Variants in OR4P4 observed in about 807,000 individuals in gnomAD.
OR4P4 encodes olfactory receptor 4P4.
A neutral mutation model predicts 2.1 loss-of-function variants in OR4P4; 1 was observed. The observed-to-expected ratio is 0.47, with a 90% confidence interval of 0.17 to 2.21. The LOEUF (loss-of-function observed/expected upper bound fraction) is 2.21, where lower values mean the gene tolerates loss of function less well. Ranked by LOEUF, OR4P4 falls within the 30% of genes most tolerant of loss-of-function variation. The probability of loss-of-function intolerance (pLI) is 0.27; values close to 1 mark genes in which losing one functional copy is unlikely to be tolerated. For missense variants in OR4P4, 375 were observed against 376.5 expected (o/e 1.00, Z 0.03); for synonymous variants, 129 against 133.2 (o/e 0.97, Z 0.22).
chr11:55,638,393 C>T (rs1484149277), exon 2 of OR4P4: 1 of 1,441,020 alleles, frequency 6.9e-7, no homozygotes, highest in Middle Eastern at 2.0e-4. Flanking sequence ...TGTTTATTCT[C>T]TTGGGGTTTT....
intron 1 of OR4P4, among the ~76,000 whole-genome samples, chr11:55,637,482 TA>T (rs1194335087): frequency 7.3e-6 from 1 of 137,924 alleles, no homozygotes; most frequent in Non-Finnish European, 1.6e-5. Context: ...GCCTTTAATC[TA>T]ATTCTAGTTC....
intron 1 of OR4P4, among the ~76,000 whole-genome samples, chr11:55,635,657 G>A (rs1477960498): frequency 1.5e-5 from 2 of 137,534 alleles, no homozygotes; most frequent in African/African-American, 2.5e-5. Context: ...GGACAGAATC[G>A]ACTATAAAGG....
Position 55,639,207 on chromosome 11 carries a change from A to G in OR4P4, c.850A>G (p.Ile284Val), listed in dbSNP as rs372495212. Residue 284 changes from isoleucine to valine, a missense_variant, in exon 2 of 2, where the codon ATA (isoleucine) becomes GTA (valine). Ile to Val is a conservative substitution (Grantham distance 29, BLOSUM62 3). Coordinates refer to ENST00000641760, the Ensembl canonical transcript of OR4P4. ...CATTGCTCCCATGTTCAACCCTCTCATATACACGCTGAGAAACACAGAGAT... is the reference window on the plus strand; with the variant it reads ...CATTGCTCCCATGTTCAACCCTCTCGTATACACGCTGAGAAACACAGAGAT... 5.4e-5 allele frequency: 80 copies of G among 1,488,974 alleles called. 19 individuals are homozygous for G. In the Middle Eastern group the frequency reaches 2.4e-3, roughly 45 times the overall value. The allele number at this position is 1,488,974 out of a possible 1,614,324, so 92.2% of individuals were successfully genotyped here.
chr11:55,636,923 G>GA (rs1454182808), intron 1 of OR4P4, among the ~76,000 whole-genome samples: 1 of 137,740 alleles, frequency 7.3e-6, no homozygotes, highest in Non-Finnish European at 1.6e-5. Flanking sequence ...GTTAGTGGCT[G>GA]AATTAAGACA....
At chr11:55,638,130 G>C (rs1858409710) in intron 1 of OR4P4, among the ~76,000 whole-genome samples, 198 bp from the exon 2 acceptor site, 1 of 136,998 alleles carries the variant, frequency 7.3e-6, no homozygotes, top group African/African-American at 2.5e-5. Context: ...ATCACAGTGT[G>C]CTAGAGAGCT....
intron 1 of OR4P4, among the ~76,000 whole-genome samples, chr11:55,636,787 T>A (rs1453078491): frequency 5.1e-5 from 7 of 138,028 alleles, no homozygotes; most frequent in African/African-American, 1.5e-4. Context: ...TCCTTTATCA[T>A]CTATTATTAA....
At chr11:55,635,770 ATTTTTTACTCCTG>A (rs1858379679) in intron 1 of OR4P4, among the ~76,000 whole-genome samples, 1 of 137,182 alleles carries the variant, frequency 7.3e-6, no homozygotes, top group Non-Finnish European at 1.6e-5. Flanking sequence ...TTGAAAATAT[ATTTTTTACTCCTG>A]TGTTAAGAAA....
At chr11:55,636,688 C>T (rs1328723900) in intron 1 of OR4P4, among the ~76,000 whole-genome samples, 1 of 137,428 alleles carries the variant, frequency 7.3e-6, no homozygotes, top group East Asian at 2.4e-4. Context: ...CTCTAGAATC[C>T]TAATGTAATT....
At chr11:55,635,444 G>A (rs1858376498) in intron 1 of OR4P4, among the ~76,000 whole-genome samples, 1 of 136,456 alleles carries the variant, frequency 7.3e-6, no homozygotes, top group Non-Finnish European at 1.6e-5. Context: ...TTTTTTATGG[G>A]GTGGCCTCCC....
Position 55,636,459 on chromosome 11 carries a change from A to G in OR4P4, c.-31+1243A>G, listed in dbSNP as rs1230146416. Among the ~76,000 whole-genome samples the G allele has an allele frequency of 2.2e-5, 3 of 138,160 alleles. 1 individual carries two copies. Among genetic ancestry groups the G allele is most frequent in the Non-Finnish European group, 4.9e-5 (3 of 61,836 alleles). The allele number at this position is 138,160 out of a possible 152,430, so 90.6% of individuals were successfully genotyped here. On this transcript the variant is annotated intron_variant, in intron 1 of 1. Coordinates refer to ENST00000641760, the Ensembl canonical transcript of OR4P4. ...AAAATGGAGCGATGACTGAAATTCA[A>G]GAAGTGTCCTACTTTGCCTGAGAAA...
rs144342172 is a variant in OR4P4 at position 55,636,467 on chromosome 11, C to T, written c.-31+1251C>T. Among the ~76,000 whole-genome samples the T allele has an allele frequency of 6.8e-3, 935 of 137,792 alleles. 108 individuals are homozygous for T. The highest frequency in any genetic ancestry group is 0.023 in the African/African-American group (899 of 39,946). 90.4% of individuals were successfully genotyped at this position (137,792 alleles called of 152,430 possible). A position where few individuals can be genotyped will look rare whatever the true frequency, so the allele number is the denominator to read the frequency against. ...GCGATGACTGAAATTCAAGAAGTGT[C>T]CTACTTTGCCTGAGAAATTCAGACA... On this transcript the variant is annotated intron_variant, in intron 1 of 1. Transcript: ENST00000641760.
chr11:55,637,875 G>T (rs1858406930), intron 1 of OR4P4, among the ~76,000 whole-genome samples: 1 of 137,880 alleles, frequency 7.3e-6, no homozygotes, highest in African/African-American at 2.5e-5. Context: ...TATCAATATT[G>T]CTAATGCTTA....
chr11:55,635,153 C>A (rs1297413530), exon 1 of OR4P4: 2 of 137,500 alleles, frequency 1.5e-5, no homozygotes, highest in South Asian at 2.3e-4. Flanking sequence ...TCATAAAAAT[C>A]TTTGTATTAA....
exon 2 of OR4P4, chr11:55,639,479 C>T: frequency 2.2e-6 from 1 of 453,530 alleles, no homozygotes; most frequent in Non-Finnish European, 3.9e-6. Context: ...CCATACTCTC[C>T]TCCGCCTTTC....
chr11:55,635,281 A>G (rs922021296), intron 1 of OR4P4, 65 bp downstream of exon 1: 4 of 138,026 alleles, frequency 2.9e-5, no homozygotes. Flanking sequence ...TGCCTTGGGA[A>G]GAAATAAAAA....
chr11:55,638,623 C>T (rs771370241), exon 2 of OR4P4: 2 of 1,489,892 alleles, frequency 1.3e-6, no homozygotes, highest in Non-Finnish European at 9.1e-7. Flanking sequence ...GAAAGAAAGA[C>T]CATTTCCTAT....
exon 2 of OR4P4, chr11:55,639,357 G>A: frequency 1.1e-6 from 1 of 927,550 alleles, no homozygotes; most frequent in South Asian, 1.8e-5. Context: ...CTCTCATCTT[G>A]CTCTTGTCCT....
rs1457274688 is a variant in OR4P4, at chr11:55,635,470, T to C, written c.-31+254T>C. Among the ~76,000 whole-genome samples the C allele has an allele frequency of 1.5e-5, 2 of 137,172 alleles. 1 individual carries two copies. Among genetic ancestry groups the C allele is most frequent in the Non-Finnish European group, 3.3e-5 (2 of 61,432 alleles). 90.0% of individuals were successfully genotyped at this position (137,172 alleles called of 152,430 possible). A position where few individuals can be genotyped will look rare whatever the true frequency, so the allele number is the denominator to read the frequency against. On this transcript the variant is annotated intron_variant, in intron 1 of 1. Transcript: ENST00000641760. ...GTGGCCTCCCATCATTTATTTGATT[T>C]GGTGATATGACAGGTAATAGTTACT...
In OR4P4 at chr11:55,638,417, C is replaced by T. The variant is rs368144463; in HGVS notation, c.60C>T (p.Asn20=). Residue 20 remains asparagine, a synonymous_variant, in exon 2 of 2, where the codon AAC becomes AAT. Coordinates refer to ENST00000641760, the Ensembl canonical transcript of OR4P4. ...TCTTGGGGTTTTCCCAAAATAAGAA[C>T]ATTGAAGTCCTCTGCTTTGTATTAT... 2.5e-5 allele frequency: 36 copies of T among 1,456,238 alleles called. 9 individuals are homozygous for T. The highest frequency in any genetic ancestry group is 3.9e-4 in the Middle Eastern group (2 of 5,134). 90.2% of individuals were successfully genotyped at this position (1,456,238 alleles called of 1,614,324 possible). A position where few individuals can be genotyped will look rare whatever the true frequency, so the allele number is the denominator to read the frequency against.
Sources: gnomAD v4.1 joint callset for allele counts (sites outside exome capture counted in the v4.1 genomes callset) on GRCh38, gnomAD v4.1.1 for gene constraint, MANE v1.5 for transcripts, NCBI Gene and HGNC (gene_info 2026-07-23, HGNC 2026-07-21) for gene names.